The following NUCB2 variants were observed in gnomAD, a reference collection of about 807,000 sequenced individuals.
The protein encoded by NUCB2 is nucleobindin-2.
A neutral mutation model predicts 57.9 loss-of-function variants in NUCB2; 48 were observed. That is an observed-to-expected ratio of 0.83 (90% CI 0.66 to 1.05). The LOEUF (loss-of-function observed/expected upper bound fraction) is 1.05. Among genes scored for constraint, NUCB2 ranks in the 50% least tolerant of loss-of-function variants. NUCB2 has a pLI of 0.00. For synonymous variants in NUCB2, 139 were observed against 152.1 expected, an observed-to-expected ratio of 0.91 and a Z score of 0.64; for missense variants, 442 against 476.2, an observed-to-expected ratio of 0.93 and a Z score of 0.67.
At position 17,295,342 on chromosome 11, in the gene NUCB2, C is replaced by A; in HGVS notation, c.19C>A (p.Leu7Met). 6.2e-7 allele frequency: 1 copy of A among 1,611,144 alleles called. No homozygotes were observed. The highest frequency in any genetic ancestry group is 8.5e-7 in the Non-Finnish European group (1 of 1,178,428). ...ATTTCAGATGAGGTGGAGGACCATCCTGCTACAGTATTGCTTTCTCTTGAT... is the reference window on the plus strand; with the variant it reads ...ATTTCAGATGAGGTGGAGGACCATCATGCTACAGTATTGCTTTCTCTTGAT... MRWRTI[L>M]LQYCFLLITC... The change falls in exon 3 of 14, where the codon CTG (leucine) becomes ATG (methionine). Residue 7 changes from leucine (L) to methionine (M), a missense_variant. By Grantham distance (15) the Leu-to-Met change is conservative. Coordinates refer to ENST00000529010, the MANE Select transcript of NUCB2 (RefSeq NM_005013.4).
chr11:17,329,096 GC>G (rs1951057757), intron 11 of NUCB2, among the ~76,000 whole-genome samples: 2 of 152,114 alleles, frequency 1.3e-5, no homozygotes, highest in African/African-American at 4.8e-5. Flanking sequence ...GGGAGCTAGG[GC>G]CTGGAATCAG....
intron 5 of NUCB2, among the ~76,000 whole-genome samples, chr11:17,306,696 C>T (rs1466525420): frequency 1.3e-5 from 2 of 152,154 alleles, no homozygotes; most frequent in African/African-American, 2.4e-5. Context: ...GTGGGTGGAT[C>T]ACCTGAGGTC....
intron 2 of NUCB2, among the ~76,000 whole-genome samples, chr11:17,288,546 C>CTTTTTTTTT (rs1409100990): frequency 1.2e-5 from 1 of 81,666 alleles, no homozygotes; most frequent in East Asian, 7.0e-4. Flanking sequence ...TCTTCTTCTT[C>CTTTTTTTTT]TTCTTCTTTT....
intron 2 of NUCB2, among the ~76,000 whole-genome samples, chr11:17,345,595 T>C (rs1952662466): frequency 6.6e-6 from 1 of 151,910 alleles, no homozygotes; most frequent in South Asian, 2.1e-4. Flanking sequence ...TAATCCCAGC[T>C]ACTCAGGAGG....
intron 4 of NUCB2, among the ~76,000 whole-genome samples, chr11:17,300,365 A>C (rs1376882736): frequency 2.0e-5 from 3 of 152,176 alleles, no homozygotes; most frequent in Admixed American, 2.0e-4. Flanking sequence ...CATCACCACT[A>C]TCTAATTTTA....
At chr11:17,288,914 C>T (rs1565376462) in intron 2 of NUCB2, among the ~76,000 whole-genome samples, 1 of 81,828 alleles carries the variant, frequency 1.2e-5, no homozygotes, top group African/African-American at 7.2e-5. Context: ...CACACACACA[C>T]ACACACACAC....
intron 2 of NUCB2, among the ~76,000 whole-genome samples, chr11:17,293,449 T>G (rs1041145568): frequency 4.6e-5 from 7 of 152,148 alleles, no homozygotes; most frequent in African/African-American, 1.7e-4. Context: ...GTGGTGAGAA[T>G]GTAAAATGAT....
At chr11:17,289,643 A>G (rs1307735405) in intron 2 of NUCB2, among the ~76,000 whole-genome samples, 6 of 152,200 alleles carry the variant, frequency 3.9e-5, no homozygotes, top group Admixed American at 2.6e-4. Flanking sequence ...AAAATGCTTA[A>G]TATAACATCT....
chr11:17,306,895 G>T (rs573303772), intron 5 of NUCB2, among the ~76,000 whole-genome samples: 318 of 149,352 alleles, frequency 2.1e-3, no homozygotes, highest in African/African-American at 7.5e-3. Context: ...CTGGGTGACA[G>T]AGTGAGACTC....
intron 2 of NUCB2, among the ~76,000 whole-genome samples, chr11:17,339,169 G>A (rs1267424879): frequency 6.6e-6 from 1 of 151,280 alleles, no homozygotes; most frequent in Non-Finnish European, 1.5e-5. Context: ...TGTTTTTTCA[G>A]TAGAGACGGG....
At chr11:17,342,169 T>A (rs1349341500) in intron 2 of NUCB2, among the ~76,000 whole-genome samples, 2 of 152,208 alleles carry the variant, frequency 1.3e-5, no homozygotes, top group African/African-American at 4.8e-5. Flanking sequence ...GATATCCCCT[T>A]TATCATTTTT....
rs71047540 is a variant in NUCB2 at position 17,282,258 on chromosome 11, ATTTT to A, written c.-155-519_-155-516del. Reference sequence around the variant, plus strand: ...TATCTATATATATATATATATATATATTTTTTTTTTTTTTTCCCAAGACAGAGTC... The same window carrying A: ...TATCTATATATATATATATATATATATTTTTTTTTTTCCCAAGACAGAGTC... On this transcript the variant is annotated intron_variant, in intron 1 of 13. Transcript: ENST00000529010. Among the ~76,000 whole-genome samples, 235 of 103,448 alleles carry A rather than the reference ATTTT, an allele frequency of 2.3e-3. 1 individual carries two copies. Among genetic ancestry groups the A allele is most frequent in the East Asian group, 0.022 (65 of 2,978 alleles). The allele number at this position is 103,448 out of a possible 152,430, so 67.9% of individuals were successfully genotyped here.
Position 17,297,938 on chromosome 11 carries a change from C to T in NUCB2, c.252+1727C>T, listed in dbSNP as rs923974186. 2.0e-4 allele frequency among the ~76,000 whole-genome samples: 30 copies of T among 151,960 alleles called. No homozygotes were observed. In the South Asian group the frequency reaches 2.1e-3, roughly 11 times the overall value. On this transcript the variant is annotated intron_variant, in intron 4 of 13. Transcript: ENST00000529010. ...CTCTACTAAAAATACAAAAATTAGC[C>T]GGGTGTGGTGGCAGGCACCTGTAAT... is the stretch of plus-strand genomic sequence containing the variant.
chr11:17,318,836 A>G (rs1949646374), intron 11 of NUCB2, among the ~76,000 whole-genome samples: 1 of 152,182 alleles, frequency 6.6e-6, no homozygotes, highest in African/African-American at 2.4e-5. Context: ...GCTTTTCAAA[A>G]GACTTACGCC....
intron 2 of NUCB2, among the ~76,000 whole-genome samples, chr11:17,345,666 C>T (rs1183727151): frequency 6.6e-6 from 1 of 152,138 alleles, no homozygotes; most frequent in African/African-American, 2.4e-5. Flanking sequence ...GATAACGCAC[C>T]ACTGCACTAC....
chr11:17,347,860 GTCT>G (rs1952867799), intron 2 of NUCB2, among the ~76,000 whole-genome samples: 1 of 152,130 alleles, frequency 6.6e-6, no homozygotes, highest in African/African-American at 2.4e-5. Flanking sequence ...TCACAGTGTG[GTCT>G]GTGACTGGTG....
At chr11:17,346,063 T>C (rs1364330835) in intron 2 of NUCB2, among the ~76,000 whole-genome samples, 1 of 152,204 alleles carries the variant, frequency 6.6e-6, no homozygotes, top group African/African-American at 2.4e-5. Context: ...TTTGTTGTAA[T>C]TTTCTGGGAA....
chr11:17,294,225 G>T (rs769635295), intron 2 of NUCB2, among the ~76,000 whole-genome samples: 43 of 152,226 alleles, frequency 2.8e-4, no homozygotes, highest in South Asian at 8.3e-4. Context: ...GAGATGAGTG[G>T]ATCTCAGGTT....
chr11:17,302,730 C>T (rs1159106677), intron 5 of NUCB2, among the ~76,000 whole-genome samples: 1 of 135,942 alleles, frequency 7.4e-6, no homozygotes, highest in Non-Finnish European at 1.6e-5. Context: ...CACCACCATG[C>T]CCTGCTAATT....
Sources: allele counts gnomAD v4.1 joint callset (sites outside exome capture counted in the v4.1 genomes callset), GRCh38; gene constraint gnomAD v4.1.1; transcripts MANE v1.5; gene names NCBI Gene and HGNC (gene_info 2026-07-23, HGNC 2026-07-21).